The following LRRC4C variants were observed in gnomAD, a reference collection of about 807,000 sequenced individuals.
LRRC4C encodes leucine rich repeat containing 4C.
A neutral mutation model predicts 33.6 loss-of-function variants in LRRC4C; 5 were observed. The ratio of observed to expected loss-of-function variants is 0.15; its 90% CI spans 0.08 to 0.31. The LOEUF (loss-of-function observed/expected upper bound fraction) is 0.31, where lower values mean the gene tolerates loss of function less well. Ranked by LOEUF, LRRC4C falls within the 10% of genes least tolerant of loss-of-function variation. The pLI, the probability that LRRC4C is intolerant of heterozygous loss-of-function variation, is 1.00. For synonymous variants in LRRC4C, 329 were observed against 302.0 expected, an observed-to-expected ratio of 1.09 and a Z score of -0.93; for missense variants, 560 against 796.7, an observed-to-expected ratio of 0.70 and a Z score of 3.58.
Position 40,166,930 on chromosome 11 carries a change from C to T in LRRC4C, c.-95-26077G>A, listed in dbSNP as rs142166988. 1.1e-4 allele frequency among the ~76,000 whole-genome samples: 17 copies of T among 152,152 alleles called. No homozygotes were observed. The East Asian group carries it at 2.1e-3, about 19-fold the overall frequency. ...CAGTTAAAAGGAGTCAAAATTATTG[C>T]TTTAAGGGGCCCATGATATAAGTTC... On this transcript the variant is annotated intron_variant, in intron 5 of 6. Transcript: ENST00000528697.
intron 1 of LRRC4C, among the ~76,000 whole-genome samples, chr11:41,304,790 G>C (rs1260322822): frequency 1.2e-5 from 1 of 85,164 alleles, no homozygotes; most frequent in South Asian, 4.5e-4. Context: ...CCCCCCGCCC[G>C]GCCAGCCGCC....
intron 1 of LRRC4C, among the ~76,000 whole-genome samples, chr11:41,087,851 G>C (rs1469544640): frequency 6.6e-6 from 1 of 152,096 alleles, no homozygotes; most frequent in African/African-American, 2.4e-5. Flanking sequence ...AAAGTCTTAA[G>C]TGTCTGATAA....
At position 40,405,141 on chromosome 11, in the gene LRRC4C, C is replaced by A. The variant is rs1243308019; in HGVS notation, c.-269-85420G>T. 2.1e-5 allele frequency among the ~76,000 whole-genome samples: 3 copies of A among 145,618 alleles called. No individual in the cohort carries two copies. In the East Asian group the frequency reaches 6.0e-4, roughly 29 times the overall value. ...TGTATTCTCTCTACATATATTTGAA[C>A]TTTTTTTTTTTTTAAAGATTCTACA... On this transcript the variant is annotated intron_variant, in intron 3 of 6. Coordinates refer to ENST00000528697, the MANE Select transcript of LRRC4C (RefSeq NM_001258419.2).
chr11:40,390,015 C>T (rs1949275551), intron 3 of LRRC4C, among the ~76,000 whole-genome samples: 1 of 152,012 alleles, frequency 6.6e-6, no homozygotes, highest in African/African-American at 2.4e-5. Flanking sequence ...TAAAAGGATC[C>T]CAAATGACAA....
Position 40,197,197 on chromosome 11 carries a change from C to T in LRRC4C, c.-96+44322G>A, listed in dbSNP as rs16934431. ...GTTGTGTATGCTGAAGCTTCCTGTG[C>T]TAATAATTCTCTCAAGTATAACACT... On this transcript the variant is annotated intron_variant, in intron 5 of 6. Transcript: ENST00000528697. Among the ~76,000 whole-genome samples the T allele has an allele frequency of 3.9e-4, 60 of 152,216 alleles. No homozygotes were observed. In the East Asian group the frequency reaches 0.012, roughly 29 times the overall value.
chr11:40,903,285 T>A (rs908878685), intron 2 of LRRC4C, among the ~76,000 whole-genome samples: 4 of 152,168 alleles, frequency 2.6e-5, no homozygotes, highest in Non-Finnish European at 5.9e-5. Flanking sequence ...TTAAGCCCAA[T>A]GTTGAGACCT....
chr11:40,129,832 C>T (rs895419667), intron 6 of LRRC4C, among the ~76,000 whole-genome samples: 3 of 152,130 alleles, frequency 2.0e-5, no homozygotes, highest in Non-Finnish European at 4.4e-5. Context: ...CGGCTCCAAA[C>T]CTTGTCTTAG....
At chr11:40,915,850 G>GA (rs1179338066) in intron 2 of LRRC4C, among the ~76,000 whole-genome samples, 1 of 151,630 alleles carries the variant, frequency 6.6e-6, no homozygotes, top group African/African-American at 2.4e-5. Flanking sequence ...AAATTTACAA[G>GA]AAAAAAACAA....
intron 3 of LRRC4C, among the ~76,000 whole-genome samples, chr11:40,586,501 C>A (rs61888378): frequency 2.7e-5 from 4 of 147,552 alleles, no homozygotes; most frequent in Admixed American, 6.8e-5. Flanking sequence ...TGTCAATTTT[C>A]TCTTTTGTTG....
intron 2 of LRRC4C, among the ~76,000 whole-genome samples, chr11:40,759,185 A>G (rs1949079574): frequency 1.4e-5 from 2 of 147,074 alleles, no homozygotes; most frequent in African/African-American, 4.9e-5. Flanking sequence ...ATATATGAGG[A>G]ATATATATAA....
chr11:40,376,112 T>C (rs1378507805), intron 3 of LRRC4C, among the ~76,000 whole-genome samples: 1 of 152,176 alleles, frequency 6.6e-6, no homozygotes, highest in Non-Finnish European at 1.5e-5. Flanking sequence ...AGAAATATAA[T>C]ATGAGTAAGT....
intron 1 of LRRC4C, among the ~76,000 whole-genome samples, chr11:41,150,787 T>TA (rs915195045): frequency 4.7e-5 from 7 of 148,558 alleles, no homozygotes; most frequent in African/African-American, 1.7e-4. Flanking sequence ...AATAAATAAA[T>TA]AAATAAAATA....
chr11:40,197,503 T>C (rs1287620304), intron 5 of LRRC4C, among the ~76,000 whole-genome samples: 1 of 152,220 alleles, frequency 6.6e-6, no homozygotes, highest in Non-Finnish European at 1.5e-5. Context: ...GCCTTACAGC[T>C]CAGCTTACGC....
chr11:40,142,209 G>A (rs942170058), intron 5 of LRRC4C, among the ~76,000 whole-genome samples: 1 of 133,554 alleles, frequency 7.5e-6, no homozygotes, highest in African/African-American at 2.8e-5. Flanking sequence ...GACTTGGTAG[G>A]TAGAGGTGGC....
intron 1 of LRRC4C, among the ~76,000 whole-genome samples, chr11:41,225,646 T>A (rs896198980): frequency 7.3e-5 from 11 of 151,368 alleles, no homozygotes; most frequent in Non-Finnish European, 1.5e-5. Flanking sequence ...TTTATTTATA[T>A]ATATTTTTTT....
At chr11:40,642,554 G>C (rs1344041917) in intron 3 of LRRC4C, among the ~76,000 whole-genome samples, 1 of 152,058 alleles carries the variant, frequency 6.6e-6, no homozygotes, top group African/African-American at 2.4e-5. Context: ...CTTTTACCTT[G>C]TATGTTATAG....
At chr11:40,265,550 A>G (rs1463219971) in intron 4 of LRRC4C, among the ~76,000 whole-genome samples, 2 of 152,228 alleles carry the variant, frequency 1.3e-5, no homozygotes, top group Non-Finnish European at 2.9e-5. Flanking sequence ...ACCAATGAGG[A>G]AGATTGGATT....
At chr11:41,391,333 G>C (rs547213539) in intron 1 of LRRC4C, among the ~76,000 whole-genome samples, 36 of 151,996 alleles carry the variant, frequency 2.4e-4, no homozygotes, top group Middle Eastern at 3.4e-3. Context: ...AGTGGAGCAG[G>C]GGGGAGAAGA....
intron 3 of LRRC4C, among the ~76,000 whole-genome samples, chr11:40,643,517 C>G (rs1287072852): frequency 6.6e-6 from 1 of 152,136 alleles, no homozygotes; most frequent in African/African-American, 2.4e-5. Context: ...GGATCCTGAA[C>G]TTCTACCCCT....
Sources: gnomAD v4.1 joint callset for allele counts (sites outside exome capture counted in the v4.1 genomes callset) on GRCh38, gnomAD v4.1.1 for gene constraint, MANE v1.5 for transcripts, NCBI Gene and HGNC (gene_info 2026-07-23, HGNC 2026-07-21) for gene names.